Variants in USP24 observed in about 807,000 individuals in gnomAD.
The protein encoded by USP24 is ubiquitin carboxyl-terminal hydrolase 24.
A neutral mutation model predicts 361.6 loss-of-function variants in USP24; 97 were observed. The ratio of observed to expected loss-of-function variants is 0.27; its 90% CI spans 0.23 to 0.32. The LOEUF (loss-of-function observed/expected upper bound fraction) is 0.32. Among genes scored for constraint, USP24 ranks in the 10% least tolerant of loss-of-function variants. The probability of loss-of-function intolerance (pLI) is 1.00; values close to 1 mark genes in which losing one functional copy is unlikely to be tolerated. For missense variants in USP24, 2,353 were observed against 3,165.6 expected, an observed-to-expected ratio of 0.74 and a Z score of 6.16; for synonymous variants, 1,098 against 1,124.6, an observed-to-expected ratio of 0.98 and a Z score of 0.47.
chr1:55,200,286 T>C (rs922831431), intron 1 of USP24, among the ~76,000 whole-genome samples: 5 of 152,314 alleles, frequency 3.3e-5, no homozygotes, highest in African/African-American at 1.2e-4. Context: ...CCTAGAATAG[T>C]TGGAGGTCCT....
intron 1 of USP24, among the ~76,000 whole-genome samples, chr1:55,188,067 G>C (rs1644181727): frequency 6.6e-6 from 1 of 152,184 alleles, no homozygotes; most frequent in Non-Finnish European, 1.5e-5. Context: ...ATATAATGGA[G>C]ATTTCATAAA....
intron 1 of USP24, among the ~76,000 whole-genome samples, chr1:55,178,546 G>A (rs1219189240): frequency 6.6e-6 from 1 of 151,730 alleles, no homozygotes; most frequent in Non-Finnish European, 1.5e-5. Flanking sequence ...GCGGGCGCCT[G>A]TAGTCCCAGC....
In USP24 at chr1:55,109,254, GGCGTAA is replaced by G. The variant is rs908035838; in HGVS notation, c.4570+925_4570+930del. Among the ~76,000 whole-genome samples the G allele has an allele frequency of 1.4e-4, 22 of 152,370 alleles. 2 individuals are homozygous for G. Among genetic ancestry groups the G allele is most frequent in the East Asian group, 1.4e-3 (7 of 5,184 alleles). ...CGCCTCCCAAAGTGCCAGGATCACA[GGCGTAA>G]GCCACTGCGCCTGGCCACCTCCTGT... On this transcript the variant is annotated intron_variant, in intron 39 of 67. Transcript: ENST00000294383.
In USP24 at chr1:55,121,441, C is replaced by T; in HGVS notation, c.4342G>A (p.Ala1448Thr). ...IIDILLGSPS[A>T]EIRRVACDQL... ...GTAATGTGAAAAATCCTTACCTCAG[C>T]ACTTGGTGATCCGAGCAGAATATCA... is the stretch of plus-strand genomic sequence containing the variant. Residue 1448 changes from alanine (A) to threonine (T), a missense_variant, in exon 37 of 68, where the codon GCT becomes ACT. Coordinates refer to ENST00000294383, the MANE Select transcript of USP24 (RefSeq NM_015306.3). 6.2e-7 allele frequency: 1 copy of T among 1,613,438 alleles called. No homozygotes were observed. Among genetic ancestry groups the T allele is most frequent in the Non-Finnish European group, 8.5e-7 (1 of 1,179,724 alleles).
Position 55,143,130 on chromosome 1 carries a change from GA to G in USP24, c.2440-12del, listed in dbSNP as rs751396277. ...CAGCTTTTCTACATACTGTTCAAAA[GA>G]AAAAAAATTAAATTATAAAGCATAT... is the stretch of plus-strand genomic sequence containing the variant. On this transcript the variant is annotated splice_polypyrimidine_tract_variant and intron_variant, in intron 21 of 67. Transcript: ENST00000294383. 8.9e-6 allele frequency: 13 copies of G among 1,460,090 alleles called. No homozygotes were observed. Among genetic ancestry groups the G allele is most frequent in the East Asian group, 5.4e-5 (2 of 37,266 alleles). 90.4% of individuals were successfully genotyped at this position (1,460,090 alleles called of 1,614,324 possible).
rs745534668 is a variant in USP24 at position 55,079,544 on chromosome 1, C to T, written c.7194G>A (p.Leu2398=). Residue 2398 remains leucine (L), a synonymous_variant, in exon 60 of 68, where the codon CTG becomes CTA. Coordinates refer to ENST00000294383, the MANE Select transcript of USP24 (RefSeq NM_015306.3). ...LLFMSEGKPY[L]LEVMFALREL... ...TAGAATAACAAGTACATACCTCTAACAGGTAAGGTTTCCCTTCAGACATGA... is the reference window on the plus strand; with the variant it reads ...TAGAATAACAAGTACATACCTCTAATAGGTAAGGTTTCCCTTCAGACATGA... 47 of 1,573,282 alleles carry T rather than the reference C, an allele frequency of 3.0e-5. No individual in the cohort carries two copies. The highest frequency in any genetic ancestry group is 4.0e-5 in the Non-Finnish European group (47 of 1,166,758).
chr1:55,117,041 A>C (rs1646135947), intron 38 of USP24, among the ~76,000 whole-genome samples: 1 of 152,222 alleles, frequency 6.6e-6, no homozygotes, highest in African/African-American at 2.4e-5. Context: ...CATGGTACGA[A>C]AATCTATGTA....
intron 59 of USP24, among the ~76,000 whole-genome samples, chr1:55,079,890 A>G (rs1418782831): frequency 2.6e-5 from 4 of 151,740 alleles, no homozygotes; most frequent in African/African-American, 7.3e-5. Context: ...CAGTACTCGC[A>G]CACACAGAGA....
Position 55,144,177 on chromosome 1 carries a change from C to CA in USP24, c.2388dup (p.Glu797Ter). 1 of 1,603,644 alleles carries CA rather than the reference C, an allele frequency of 6.2e-7. No homozygotes were observed. The highest frequency in any genetic ancestry group is 8.5e-7 in the Non-Finnish European group (1 of 1,175,738). On this transcript the variant is annotated frameshift_variant, in exon 21 of 68. Transcript: ENST00000294383. LOFTEE classifies it high-confidence loss of function. ...CGATGATCACAAAGATTCACATTTT[C>CA]AAAAAAAGTTTTAAATAAGTTAAAA...
intron 58 of USP24, among the ~76,000 whole-genome samples, chr1:55,081,664 G>A (rs759498245): frequency 6.6e-6 from 1 of 152,136 alleles, no homozygotes; most frequent in Non-Finnish European, 1.5e-5. Flanking sequence ...CTTACAACGT[G>A]CCTCAGTATA....
At position 55,125,731 on chromosome 1, in the gene USP24, G is replaced by A; in HGVS notation, c.3663C>T (p.Asp1221=). 6.3e-7 allele frequency: 1 copy of A among 1,591,944 alleles called. No individual in the cohort carries two copies. Among genetic ancestry groups the A allele is most frequent in the Non-Finnish European group, 8.6e-7 (1 of 1,168,150 alleles). ...LSLVVNVMQR[D]SIPSEVDYET... Reference sequence around the variant, plus strand: ...CATAGTCTACTTCTGATGGGATGGAGTCTCTCTGCATGACATTTACAACCA... The same window carrying A: ...CATAGTCTACTTCTGATGGGATGGAATCTCTCTGCATGACATTTACAACCA... The change falls in exon 33 of 68, where the codon GAC becomes GAT. Residue 1221 remains aspartate (D), a synonymous_variant. Transcript: ENST00000294383.
At chr1:55,183,903 A>C (rs1644048854) in intron 1 of USP24, among the ~76,000 whole-genome samples, 1 of 152,212 alleles carries the variant, frequency 6.6e-6, no homozygotes, top group African/African-American at 2.4e-5. Flanking sequence ...CATAATAAAA[A>C]GGTCAATACA....
chr1:55,147,810 T>A lies in USP24; in HGVS notation c.1969-12A>T. 6.2e-7 allele frequency: 1 copy of A among 1,608,462 alleles called. No individual in the cohort carries two copies. Among genetic ancestry groups the A allele is most frequent in the South Asian group, 1.1e-5 (1 of 90,244 alleles). On this transcript the variant is annotated splice_polypyrimidine_tract_variant and intron_variant, in intron 17 of 67. Coordinates refer to ENST00000294383, the MANE Select transcript of USP24 (RefSeq NM_015306.3). ...TCTTGAATAATGCTCTTGGCGAAAA[T>A]AACAAAAAGAAAAGTGGTAATGAGA...
At chr1:55,130,876 T>A (rs79463107) in intron 31 of USP24, among the ~76,000 whole-genome samples, 381 of 152,252 alleles carry the variant, frequency 2.5e-3, no homozygotes, top group African/African-American at 9.0e-3. Flanking sequence ...ATAAAAGCTT[T>A]TGGGAGTGTT....
Position 55,157,343 on chromosome 1 carries a change from A to C in USP24, c.1255T>G (p.Leu419Val). 6.3e-7 allele frequency: 1 copy of C among 1,597,034 alleles called. No individual in the cohort carries two copies. ...ATAGCATTCTTCACAGATTTGGATAAAGTGCTATCTTCTATTAGTTTGGTT... is the reference window on the plus strand; with the variant it reads ...ATAGCATTCTTCACAGATTTGGATACAGTGCTATCTTCTATTAGTTTGGTT... The part of the protein sequence containing the change: ...EVTKLIEDST[L>V]SKSVKNAIDT... The change falls in exon 11 of 68, where the codon TTA (leucine) becomes GTA (valine). Residue 419 changes from leucine (L) to valine (V), a missense_variant. Physicochemically the swap from Leu to Val is conservative, Grantham distance 32. Transcript: ENST00000294383.
intron 1 of USP24, among the ~76,000 whole-genome samples, chr1:55,193,044 C>T (rs979544775): frequency 1.3e-5 from 2 of 152,044 alleles, no homozygotes; most frequent in African/African-American, 4.8e-5. Context: ...TTGTATTGAA[C>T]GGATCTAGAC....
chr1:55,212,109 C>T (rs199822402), intron 1 of USP24, among the ~76,000 whole-genome samples: 1 of 152,136 alleles, frequency 6.6e-6, no homozygotes, highest in Non-Finnish European at 1.5e-5. Context: ...TCTGTGGGGA[C>T]AAGCCACTTC....
At chr1:55,180,795 G>C (rs1643942675) in intron 1 of USP24, among the ~76,000 whole-genome samples, 1 of 152,076 alleles carries the variant, frequency 6.6e-6, no homozygotes, top group Non-Finnish European at 1.5e-5. Flanking sequence ...ACATTTATCT[G>C]TGATTTGTTT....
At position 55,192,544 on chromosome 1, in the gene USP24, T is replaced by C. The variant is rs80047571; in HGVS notation, c.325-14412A>G. ...AGATTTGTCTATTACTTGTGTATTATAATAAACAATTAGAAACATATATGT... is the reference window on the plus strand; with the variant it reads ...AGATTTGTCTATTACTTGTGTATTACAATAAACAATTAGAAACATATATGT... On this transcript the variant is annotated intron_variant, in intron 1 of 67. Coordinates refer to ENST00000294383, the MANE Select transcript of USP24 (RefSeq NM_015306.3). Among the ~76,000 whole-genome samples the C allele has an allele frequency of 2.0e-5, 3 of 152,244 alleles. No homozygotes were observed. In the East Asian group the frequency reaches 5.8e-4, roughly 29 times the overall value.
Sources: allele counts gnomAD v4.1 joint callset (sites outside exome capture counted in the v4.1 genomes callset), GRCh38; gene constraint gnomAD v4.1.1; transcripts MANE v1.5; gene names NCBI Gene and HGNC (gene_info 2026-07-23, HGNC 2026-07-21).